Variants in GALNT18 observed in about 807,000 individuals in gnomAD.
GALNT18 encodes GalNAc-transferase 18.
Under a neutral mutation model 69.5 loss-of-function variants are expected in GALNT18, and 44 were observed. That is an observed-to-expected ratio of 0.63 (90% CI 0.50 to 0.81). The LOEUF (loss-of-function observed/expected upper bound fraction) is 0.81, where lower values mean the gene tolerates loss of function less well. Among genes scored for constraint, GALNT18 ranks in the 40% least tolerant of loss-of-function variants. The pLI is 0.00. For missense variants in GALNT18, 715 were observed against 810.0 expected, an observed-to-expected ratio of 0.88 and a Z score of 1.42; for synonymous variants, 364 against 318.2, an observed-to-expected ratio of 1.14 and a Z score of -1.53.
At chr11:11,512,353 G>A (rs1233672105) in intron 1 of GALNT18, among the ~76,000 whole-genome samples, 2 of 152,228 alleles carry the variant, frequency 1.3e-5, no homozygotes, top group South Asian at 2.1e-4. Flanking sequence ...AGATCCGCCA[G>A]GAGGACAGAC....
At position 11,354,544 on chromosome 11, in the gene GALNT18, A is replaced by G. The variant is rs145120776; in HGVS notation, c.1093-13540T>C. ...GAGATAAAAGTGATAAATTCCAAAG[A>G]TAGTTGCTGTGAGAATTAAATGAAG... is the stretch of plus-strand genomic sequence containing the variant. On this transcript the variant is annotated intron_variant, in intron 6 of 10. Transcript: ENST00000227756. Among the ~76,000 whole-genome samples the G allele has an allele frequency of 4.0e-3, 611 of 152,332 alleles. 7 individuals are homozygous for G. The highest frequency in any genetic ancestry group is 0.015 in the South Asian group (70 of 4,822).
At chr11:11,574,489 C>T (rs1359786287) in intron 1 of GALNT18, among the ~76,000 whole-genome samples, 2 of 152,244 alleles carry the variant, frequency 1.3e-5, no homozygotes, top group Non-Finnish European at 2.9e-5. Context: ...GGCTATGCCA[C>T]ATGATGTCCT....
rs1442269446 is a variant in GALNT18 at position 11,430,977 on chromosome 11, T to A, written c.595+1644A>T. Among the ~76,000 whole-genome samples the A allele has an allele frequency of 1.3e-5, 2 of 152,256 alleles. No homozygotes were observed. The highest frequency in any genetic ancestry group is 4.8e-5 in the African/African-American group (2 of 41,470). ...TTTACAAAATAGAGTTCAAACTCTTTAAGTTCAAATAGGAAATCCTCTATA... is the reference window on the plus strand; with the variant it reads ...TTTACAAAATAGAGTTCAAACTCTTAAAGTTCAAATAGGAAATCCTCTATA... On this transcript the variant is annotated intron_variant, in intron 3 of 10. Coordinates refer to ENST00000227756, the MANE Select transcript of GALNT18 (RefSeq NM_198516.3). The surrounding 1 kb of genome is among the most constrained non-coding windows in gnomAD (Gnocchi z 4.9).
In GALNT18 at chr11:11,352,818, A is replaced by G. The variant is rs767794240; in HGVS notation, c.1093-11814T>C. On this transcript the variant is annotated intron_variant, in intron 6 of 10. Coordinates refer to ENST00000227756, the MANE Select transcript of GALNT18 (RefSeq NM_198516.3). ...GGGGGTTCGTGACACAGGGTCTTTT[A>G]CAATGTCTGCCAGTGTGATGATGTT... is the stretch of plus-strand genomic sequence containing the variant. The G allele has an allele frequency of 5.0e-6, 8 of 1,614,084 alleles. No individual in the cohort carries two copies. In the South Asian group the frequency reaches 6.6e-5, roughly 13 times the overall value.
At chr11:11,568,949 T>C (rs984717481) in intron 1 of GALNT18, among the ~76,000 whole-genome samples, 2 of 152,232 alleles carry the variant, frequency 1.3e-5, no homozygotes, top group Non-Finnish European at 2.9e-5. Flanking sequence ...AAGATGTTGC[T>C]TAGCCAAGAA....
chr11:11,349,006 G>A (rs1466197994), intron 6 of GALNT18, among the ~76,000 whole-genome samples: 3 of 150,650 alleles, frequency 2.0e-5, no homozygotes. Context: ...ACCCCCAGAG[G>A]TAACCCATTA....
intron 8 of GALNT18, among the ~76,000 whole-genome samples, chr11:11,331,945 G>A (rs989854727): frequency 5.9e-5 from 9 of 152,074 alleles, no homozygotes; most frequent in African/African-American, 1.7e-4. Context: ...TATCATATTC[G>A]AAGTATTTTA....
intron 3 of GALNT18, among the ~76,000 whole-genome samples, chr11:11,401,425 G>A (rs1470768037): frequency 6.6e-6 from 1 of 152,162 alleles, no homozygotes; most frequent in Admixed American, 6.5e-5. Context: ...TTGGTGCTGG[G>A]CAGCATGGTT....
intron 1 of GALNT18, among the ~76,000 whole-genome samples, chr11:11,517,012 T>C (rs1435381124): frequency 6.6e-6 from 1 of 152,198 alleles, no homozygotes; most frequent in Admixed American, 6.5e-5. Context: ...AATGAGATTA[T>C]TGCCCTTATA....
rs562008517 is a variant in GALNT18 at position 11,503,780 on chromosome 11, C to T, written c.236-54844G>A. ...TCATCTTTTTTCCCCTTTTTGTTGA[C>T]GTAAATGTACATACAGAAAAGTGCA... On this transcript the variant is annotated intron_variant, in intron 1 of 10. Coordinates refer to ENST00000227756, the MANE Select transcript of GALNT18 (RefSeq NM_198516.3). Among the ~76,000 whole-genome samples the T allele has an allele frequency of 1.1e-4, 16 of 152,242 alleles. No homozygotes were observed. In the South Asian group the frequency reaches 2.3e-3, roughly 22 times the overall value.
At chr11:11,531,751 G>A (rs1052827675) in intron 1 of GALNT18, among the ~76,000 whole-genome samples, 7 of 152,182 alleles carry the variant, frequency 4.6e-5, no homozygotes, top group Non-Finnish European at 1.0e-4. Context: ...TGTAACAAGA[G>A]CTCCCTCCTG....
Position 11,432,757 on chromosome 11 carries a change from C to A in GALNT18, c.459G>T (p.Leu153=). The change falls in exon 3 of 11, where the codon CTG becomes CTT. Residue 153 remains leucine (L), a synonymous_variant. Coordinates refer to ENST00000227756, the MANE Select transcript of GALNT18 (RefSeq NM_198516.3). This position sits in a 1 kb window ranked among gnomAD's most constrained non-coding sequence, Gnocchi z 5.8. ...AGATGAACACGATGCTCACCTCTGGCAGGCTGTCAGGAAATGAGAGGTTAC... is the reference window on the plus strand; with the variant it reads ...AGATGAACACGATGCTCACCTCTGGAAGGCTGTCAGGAAATGAGAGGTTAC... The part of the protein sequence containing the change: ...GCRNLSFPDS[L]PEVSIVFIFV... The A allele has an allele frequency of 6.2e-7, 1 of 1,614,092 alleles. No homozygotes were observed. Among genetic ancestry groups the A allele is most frequent in the Non-Finnish European group, 8.5e-7 (1 of 1,179,982 alleles).
chr11:11,274,335 G>A (rs182943026), intron 10 of GALNT18, among the ~76,000 whole-genome samples: 49 of 152,316 alleles, frequency 3.2e-4, no homozygotes, highest in Non-Finnish European at 4.9e-4. Context: ...GAATGCCAGT[G>A]TGACAGAACC....
At chr11:11,594,842 CACAT>C (rs1255131577) in intron 1 of GALNT18, among the ~76,000 whole-genome samples, 2 of 115,696 alleles carry the variant, frequency 1.7e-5, no homozygotes, top group Admixed American at 8.6e-5. Flanking sequence ...TATATATATA[CACAT>C]ATACATACAT....
chr11:11,408,431 A>G (rs1854645148), intron 3 of GALNT18, among the ~76,000 whole-genome samples: 1 of 151,808 alleles, frequency 6.6e-6, no homozygotes, highest in Non-Finnish European at 1.5e-5. Context: ...GTTCCTCTCA[A>G]TGAACAGATC....
At chr11:11,401,162 C>T (rs1158645054) in intron 3 of GALNT18, among the ~76,000 whole-genome samples, 2 of 152,058 alleles carry the variant, frequency 1.3e-5, no homozygotes, top group African/African-American at 2.4e-5. Context: ...AACTCCATTC[C>T]GTCAGGAAAA....
At position 11,383,813 on chromosome 11, in the gene GALNT18, C is replaced by G. The variant is rs897479445; in HGVS notation, c.596-4549G>C. ...GAGATCTGATGGTTTAAGTGTGGCA[C>G]TTCCTCTCTCTCTCTCTCTCTCTCT... On this transcript the variant is annotated intron_variant, in intron 3 of 10. Transcript: ENST00000227756. The surrounding 1 kb of genome is among the most constrained non-coding windows in gnomAD (Gnocchi z 5.2). Among the ~76,000 whole-genome samples the G allele has an allele frequency of 5.2e-5, 6 of 116,000 alleles. No homozygotes were observed. The East Asian group carries it at 1.5e-3, about 28-fold the overall frequency. The allele number at this position is 116,000 out of a possible 152,430, so 76.1% of individuals were successfully genotyped here.
rs532216607 is a variant in GALNT18, at chr11:11,496,117, G to T, written c.236-47181C>A. Among the ~76,000 whole-genome samples the T allele has an allele frequency of 1.2e-4, 19 of 152,330 alleles. No homozygotes were observed. The highest frequency in any genetic ancestry group is 4.3e-4 in the African/African-American group (18 of 41,596). On this transcript the variant is annotated intron_variant, in intron 1 of 10. Coordinates refer to ENST00000227756, the MANE Select transcript of GALNT18 (RefSeq NM_198516.3). The surrounding 1 kb of genome is among the most constrained non-coding windows in gnomAD (Gnocchi z 4.0). Reference sequence around the variant, plus strand: ...AGAATAAGAGCCAGGAGCTTCTTGTGTGTTTGTTGAATGAATGAATGAATG... The same window carrying T: ...AGAATAAGAGCCAGGAGCTTCTTGTTTGTTTGTTGAATGAATGAATGAATG...
In GALNT18 at chr11:11,582,080, G is replaced by A. The variant is rs1344506693; in HGVS notation, c.235+39279C>T. Among the ~76,000 whole-genome samples, 1 of 152,096 alleles carries A rather than the reference G, an allele frequency of 6.6e-6. No individual in the cohort carries two copies. Among genetic ancestry groups the A allele is most frequent in the African/African-American group, 2.4e-5 (1 of 41,404 alleles). On this transcript the variant is annotated intron_variant, in intron 1 of 10. Transcript: ENST00000227756. The surrounding 1 kb of genome is among the most constrained non-coding windows in gnomAD (Gnocchi z 5.0). ...TATTAGGAAAAACCAAGCAGAGGCA[G>A]TGGGAAAGAGTAGAATGGGCTGCTA...
Sources: allele counts gnomAD v4.1 joint callset (sites outside exome capture counted in the v4.1 genomes callset), GRCh38; gene constraint gnomAD v4.1.1; non-coding constraint Gnocchi (gnomAD v3.1); transcripts MANE v1.5; gene names NCBI Gene and HGNC (gene_info 2026-07-23, HGNC 2026-07-21).